Variants in RAP1GAP2 observed in about 807,000 individuals in gnomAD.
RAP1GAP2 encodes rap1 GTPase-activating protein 2.
In RAP1GAP2, 27 loss-of-function variants were observed where a neutral mutation model predicts 95.0. The ratio of observed to expected loss-of-function variants is 0.28; its 90% CI spans 0.21 to 0.39. The LOEUF (loss-of-function observed/expected upper bound fraction) is 0.39, where lower values mean the gene tolerates loss of function less well. Ranked by LOEUF, RAP1GAP2 falls within the 10% of genes least tolerant of loss-of-function variation. RAP1GAP2 has a pLI of 1.00. For missense variants in RAP1GAP2, 771 were observed against 970.0 expected, an observed-to-expected ratio of 0.79 and a Z score of 2.72; for synonymous variants, 373 against 380.9, an observed-to-expected ratio of 0.98 and a Z score of 0.24.
chr17:2,853,868 G>A, intron 2 of RAP1GAP2: 3 of 956,256 alleles, frequency 3.1e-6, no homozygotes, highest in Non-Finnish European at 3.7e-6. Context: ...GCACCTAGGC[G>A]GGGCGGGGCC....
At chr17:2,764,131 T>C (rs2068234711) in intron 1 of RAP1GAP2, among the ~76,000 whole-genome samples, 1 of 152,148 alleles carries the variant, frequency 6.6e-6, no homozygotes, top group Non-Finnish European at 1.5e-5. Flanking sequence ...GGTATTTACC[T>C]TTTAAAAAAT....
intron 3 of RAP1GAP2, among the ~76,000 whole-genome samples, chr17:2,935,456 G>A (rs910498057): frequency 2.6e-5 from 4 of 152,116 alleles, no homozygotes; most frequent in Non-Finnish European, 4.4e-5. Context: ...GCAGTGAGCT[G>A]AGATTGTGCC....
upstream of RAP1GAP2, among the ~76,000 whole-genome samples, chr17:2,776,840 GA>G (rs2068512960): frequency 2.0e-5 from 3 of 151,418 alleles, no homozygotes; most frequent in Admixed American, 6.6e-5. Context: ...GGAGGAGGAG[GA>G]GGAGGAGGAG....
chr17:2,802,538 T>C (rs1395890622), intron 2 of RAP1GAP2, among the ~76,000 whole-genome samples: 2 of 152,032 alleles, frequency 1.3e-5, no homozygotes, highest in Admixed American at 6.6e-5. Context: ...GGTGAAACCC[T>C]ATCTCTGCTA....
chr17:2,913,295 CTT>C (rs916624971), intron 3 of RAP1GAP2, among the ~76,000 whole-genome samples: 1 of 132,720 alleles, frequency 7.5e-6, no homozygotes, highest in Non-Finnish European at 1.5e-5. Context: ...ATTCTGTTCT[CTT>C]TTTTTTTTGA....
At chr17:2,928,626 C>T (rs2043041848) in intron 3 of RAP1GAP2, among the ~76,000 whole-genome samples, 1 of 152,190 alleles carries the variant, frequency 6.6e-6, no homozygotes, top group Non-Finnish European at 1.5e-5. Context: ...GTCAGCGAGG[C>T]TCCGGCAGGG....
rs530462358 is a variant in RAP1GAP2 at position 2,995,791 on chromosome 17, G to A, written c.1044+325G>A. 9.2e-5 allele frequency among the ~76,000 whole-genome samples: 14 copies of A among 152,190 alleles called. No homozygotes were observed. The South Asian group carries it at 1.2e-3, about 14-fold the overall frequency. On this transcript the variant is annotated intron_variant, in intron 13 of 24. Coordinates refer to ENST00000254695, the MANE Select transcript of RAP1GAP2 (RefSeq NM_015085.5). ...GACAAGACTTCCTTGAGGTTTCTCCGTTTATCAGGGGCAGAGCCCAGGGCA... is the reference window on the plus strand; with the variant it reads ...GACAAGACTTCCTTGAGGTTTCTCCATTTATCAGGGGCAGAGCCCAGGGCA...
chr17:2,975,896 T>C (rs950926468), intron 8 of RAP1GAP2, among the ~76,000 whole-genome samples: 1 of 152,262 alleles, frequency 6.6e-6, no homozygotes. Context: ...TGTTTGCTTT[T>C]GAATTTGTTC....
intron 17 of RAP1GAP2, among the ~76,000 whole-genome samples, chr17:3,009,378 G>C (rs2046437976): frequency 6.6e-6 from 1 of 152,184 alleles, no homozygotes; most frequent in Non-Finnish European, 1.5e-5. Flanking sequence ...ATTATTTGGG[G>C]TGTAATAATT....
chr17:2,981,099 C>A (rs2045340258), intron 9 of RAP1GAP2, 96 bp from the exon 10 acceptor site: 1 of 1,183,076 alleles, frequency 8.5e-7, no homozygotes. Context: ...ACCCATGTGC[C>A]TCGCCCTCCC....
chr17:2,900,245 C>CTAG (rs1567757505), intron 2 of RAP1GAP2, among the ~76,000 whole-genome samples: 5 of 152,086 alleles, frequency 3.3e-5, no homozygotes, highest in African/African-American at 1.2e-4. Flanking sequence ...GAGAGTAGAT[C>CTAG]CCCAGGCTAG....
intron 3 of RAP1GAP2, among the ~76,000 whole-genome samples, chr17:2,951,235 C>G (rs1281798358): frequency 1.3e-5 from 2 of 152,240 alleles, no homozygotes; most frequent in Non-Finnish European, 2.9e-5. Flanking sequence ...GTGTGCCGAG[C>G]TGCTTCTCTT....
intron 3 of RAP1GAP2, among the ~76,000 whole-genome samples, chr17:2,929,947 C>T (rs376064092): frequency 2.6e-5 from 4 of 152,282 alleles, no homozygotes; most frequent in African/African-American, 9.6e-5. Flanking sequence ...GGCAGGGCCA[C>T]GATGAGCAGA....
At chr17:2,843,981 T>TA (rs2071474163) in intron 2 of RAP1GAP2, among the ~76,000 whole-genome samples, 1 of 152,046 alleles carries the variant, frequency 6.6e-6, no homozygotes, top group Admixed American at 6.6e-5. Flanking sequence ...GAGCGTTGGG[T>TA]AAAAGGAAGA....
chr17:2,966,329 C>T (rs922574711), intron 8 of RAP1GAP2, among the ~76,000 whole-genome samples: 1 of 152,150 alleles, frequency 6.6e-6, no homozygotes, highest in African/African-American at 2.4e-5. Flanking sequence ...ATGTGTGTCA[C>T]GGGTATGATT....
At chr17:2,852,872 G>C (rs891933864) in intron 2 of RAP1GAP2, among the ~76,000 whole-genome samples, 2 of 152,118 alleles carry the variant, frequency 1.3e-5, no homozygotes, top group African/African-American at 4.8e-5. Context: ...CCAGGAGCCG[G>C]CGCGACCTTC....
At chr17:2,942,978 A>G (rs1225592529) in intron 3 of RAP1GAP2, among the ~76,000 whole-genome samples, 2 of 152,086 alleles carry the variant, frequency 1.3e-5, no homozygotes, top group Admixed American at 6.5e-5. Context: ...CATGTTGGTC[A>G]GGCTGGTCTT....
intron 3 of RAP1GAP2, among the ~76,000 whole-genome samples, chr17:2,957,179 G>A (rs2044148148): frequency 6.6e-6 from 1 of 151,908 alleles, no homozygotes; most frequent in Admixed American, 6.6e-5. Flanking sequence ...GGAGGCCTCG[G>A]TTCAATGGTG....
At position 2,796,580 on chromosome 17, in the gene RAP1GAP2, C is replaced by G. The variant is rs1011601070; in HGVS notation, c.44+9C>G. On this transcript the variant is annotated intron_variant, in intron 1 of 24. Transcript: ENST00000254695. This position sits in a 1 kb window ranked among gnomAD's most constrained non-coding sequence, Gnocchi z 4.7. ...TTTGGGGGCTTCGGATGGTGGGTGA[C>G]AGGTGGGAGGGTGGGGGAATGATGG... 6 of 1,559,784 alleles carry G rather than the reference C, an allele frequency of 3.8e-6. No individual in the cohort carries two copies. The highest frequency in any genetic ancestry group is 5.2e-6 in the Non-Finnish European group (6 of 1,151,584).
Sources: gnomAD v4.1 joint callset for allele counts (sites outside exome capture counted in the v4.1 genomes callset) on GRCh38, gnomAD v4.1.1 for gene constraint, Gnocchi (gnomAD v3.1) non-coding constraint, MANE v1.5 for transcripts, NCBI Gene and HGNC (gene_info 2026-07-23, HGNC 2026-07-21) for gene names.